CACNG3: variants seen among roughly 807,000 people sequenced by gnomAD.
CACNG3 encodes the protein calcium voltage-gated channel auxiliary subunit gamma 3.
Under a neutral mutation model 28.5 loss-of-function variants are expected in CACNG3, and 3 were observed. The observed-to-expected ratio is 0.11, with a 90% CI of 0.05 to 0.27. The LOEUF is 0.27. CACNG3 is among the 10% of genes least tolerant of loss of function. The pLI is 1.00. For missense variants in CACNG3, 236 were observed against 414.4 expected (o/e 0.57, Z 3.74); for synonymous variants, 174 against 162.2 (o/e 1.07, Z -0.55).
intron 1 of CACNG3, among the ~76,000 whole-genome samples, chr16:24,262,491 A>C (rs966867717): frequency 2.0e-5 from 3 of 152,202 alleles, no homozygotes; most frequent in African/African-American, 7.2e-5. Context: ...GATAAACAAC[A>C]ACTGGCCCAA....
At chr16:24,280,839 A>AAAAAAAAAAAAC (rs1898816908) in intron 1 of CACNG3, among the ~76,000 whole-genome samples, 1 of 151,268 alleles carries the variant, frequency 6.6e-6, no homozygotes, top group Non-Finnish European at 1.5e-5. Context: ...AAAAAAAAAA[A>AAAAAAAAAAAAC]AAAAAAGACC....
intron 1 of CACNG3, among the ~76,000 whole-genome samples, chr16:24,281,222 G>A (rs779081791): frequency 6.6e-6 from 1 of 151,976 alleles, no homozygotes; most frequent in Non-Finnish European, 1.5e-5. Flanking sequence ...TTGAGACAGG[G>A]TCTCACTCTG....
At position 24,299,938 on chromosome 16, in the gene CACNG3, GCACA is replaced by G. The variant is rs71943943; in HGVS notation, c.211+42992_211+42995del. The stretch of plus-strand genomic sequence containing the variant: ...CATGCATGGATGCACACATGCACAC[GCACA>G]CACACACACACACACACATACGATA... On this transcript the variant is annotated intron_variant, in intron 1 of 3. Transcript: ENST00000005284. 4.7e-3 allele frequency among the ~76,000 whole-genome samples: 687 copies of G among 147,416 alleles called. 3 individuals carry two copies. The highest frequency in any genetic ancestry group is 0.017 in the Middle Eastern group (5 of 286).
chr16:24,349,289 G>A (rs993309801), intron 2 of CACNG3, among the ~76,000 whole-genome samples: 1 of 152,192 alleles, frequency 6.6e-6, no homozygotes, highest in Non-Finnish European at 1.5e-5. Context: ...CCGGAAAGGG[G>A]TCCAGATCCA....
At chr16:24,270,288 A>C (rs530428244) in intron 1 of CACNG3, among the ~76,000 whole-genome samples, 2 of 152,340 alleles carry the variant, frequency 1.3e-5, no homozygotes, top group African/African-American at 4.8e-5. Flanking sequence ...TATATTTACA[A>C]ATCATTTTGA....
rs1188135007 is a variant in CACNG3 at position 24,361,535 on chromosome 16, T to C, written c.620T>C (p.Leu207Ser). Reference protein sequence around the residue: ...VHIYIEKHQQLRAKSHSEFLK... With the variant: ...VHIYIEKHQQSRAKSHSEFLK... ...ATCTATATTGAAAAACATCAGCAGT[T>C]ACGAGCCAAATCCCACTCGGAGTTC... is the stretch of plus-strand genomic sequence containing the variant. Residue 207 changes from leucine to serine, a missense_variant, in exon 4 of 4, where the codon TTA (leucine) becomes TCA (serine). Leu to Ser is a moderately radical substitution (Grantham distance 145). This residue lies in a region of CACNG3 where 116 missense variants were observed against 151.0 expected (regional missense o/e 0.77). Coordinates refer to ENST00000005284, the MANE Select transcript of CACNG3 (RefSeq NM_006539.4). This position sits in a 1 kb window ranked among gnomAD's most constrained non-coding sequence, Gnocchi z 6.8. 4.3e-6 allele frequency: 7 copies of C among 1,613,938 alleles called. No homozygotes were observed. The highest frequency in any genetic ancestry group is 5.9e-6 in the Non-Finnish European group (7 of 1,179,998).
chr16:24,325,435 G>A (rs2141371455), intron 1 of CACNG3, among the ~76,000 whole-genome samples: 1 of 152,328 alleles, frequency 6.6e-6, no homozygotes, highest in Non-Finnish European at 1.5e-5. Flanking sequence ...ACACTCCTGA[G>A]ATCAGAAACA....
intron 1 of CACNG3, among the ~76,000 whole-genome samples, chr16:24,285,909 T>G (rs1020523355): frequency 2.0e-5 from 3 of 150,160 alleles, no homozygotes; most frequent in Admixed American, 1.3e-4. Context: ...AGTGGCGCGA[T>G]CTCAGCTCAC....
Position 24,280,603 on chromosome 16 carries a change from G to A in CACNG3, c.211+23638G>A, listed in dbSNP as rs145331134. ...GGCTGAGGTGGGTGGATCACTTGAGGTCAGGAGTTCGAGACCAGCCTGGCC... is the reference window on the plus strand; with the variant it reads ...GGCTGAGGTGGGTGGATCACTTGAGATCAGGAGTTCGAGACCAGCCTGGCC... On this transcript the variant is annotated intron_variant, in intron 1 of 3. Transcript: ENST00000005284. 6.5e-3 allele frequency among the ~76,000 whole-genome samples: 989 copies of A among 152,046 alleles called. 7 individuals carry two copies. Among genetic ancestry groups the A allele is most frequent in the African/African-American group, 0.023 (951 of 41,468 alleles).
intron 1 of CACNG3, among the ~76,000 whole-genome samples, chr16:24,329,104 G>T (rs879789444): frequency 6.6e-6 from 1 of 152,188 alleles, no homozygotes; most frequent in Non-Finnish European, 1.5e-5. Context: ...GAGCAGGGGT[G>T]GGGGAACCAC....
At chr16:24,304,189 G>A (rs1390178671) in intron 1 of CACNG3, among the ~76,000 whole-genome samples, 1 of 152,086 alleles carries the variant, frequency 6.6e-6, no homozygotes, top group African/African-American at 2.4e-5. Flanking sequence ...GAAAGAAAAA[G>A]TCTTTTAAAA....
intron 1 of CACNG3, among the ~76,000 whole-genome samples, chr16:24,274,186 C>CAAA (rs72368556): frequency 2.9e-5 from 3 of 103,548 alleles, no homozygotes; most frequent in South Asian, 3.3e-4. Context: ...GACTCCATCT[C>CAAA]AAAAAAAAAA....
chr16:24,304,183 GAA>G (rs1189746898), intron 1 of CACNG3, among the ~76,000 whole-genome samples: 4 of 152,068 alleles, frequency 2.6e-5, no homozygotes, highest in Non-Finnish European at 5.9e-5. Context: ...AGTGGAGAAA[GAA>G]AAAGTCTTTT....
intron 3 of CACNG3, among the ~76,000 whole-genome samples, chr16:24,356,988 G>C (rs901268663): frequency 6.6e-6 from 1 of 152,044 alleles, no homozygotes; most frequent in Non-Finnish European, 1.5e-5. Context: ...TGTAATCCCA[G>C]CACTTTGGAA....
chr16:24,346,612 C>G, intron 1 of CACNG3, 122 bp from the exon 2 acceptor site: 2 of 670,766 alleles, frequency 3.0e-6, no homozygotes, highest in Non-Finnish European at 5.3e-6. Context: ...GGCCTACCAG[C>G]CCAACAACCC....
chr16:24,305,957 G>A (rs929165892), intron 1 of CACNG3, among the ~76,000 whole-genome samples: 5 of 152,136 alleles, frequency 3.3e-5, no homozygotes, highest in Non-Finnish European at 5.9e-5. Flanking sequence ...GCAGGTGCGA[G>A]CCACTGTGCC....
chr16:24,340,151 G>A (rs1899764264), intron 1 of CACNG3, among the ~76,000 whole-genome samples: 1 of 152,084 alleles, frequency 6.6e-6, no homozygotes, highest in Non-Finnish European at 1.5e-5. Flanking sequence ...CACACCTCTA[G>A]TCCCAGCTAC....
intron 1 of CACNG3, among the ~76,000 whole-genome samples, chr16:24,323,067 A>C (rs1899486293): frequency 6.6e-6 from 1 of 151,972 alleles, no homozygotes; most frequent in South Asian, 2.1e-4. Flanking sequence ...CTCTACAAAA[A>C]ACTTTTTAAA....
At chr16:24,332,884 T>C (rs1273823589) in intron 1 of CACNG3, among the ~76,000 whole-genome samples, 1 of 152,008 alleles carries the variant, frequency 6.6e-6, no homozygotes, top group Non-Finnish European at 1.5e-5. Flanking sequence ...TGTCAACACG[T>C]GACAAAACAA....
Sources: gnomAD v4.1 joint callset for allele counts (sites outside exome capture counted in the v4.1 genomes callset) on GRCh38, gnomAD v4.1.1 for gene constraint, gnomAD v4.1.1 regional missense constraint, Gnocchi (gnomAD v3.1) non-coding constraint, MANE v1.5 for transcripts, NCBI Gene and HGNC (gene_info 2026-07-23, HGNC 2026-07-21) for gene names.